Variants in ZNF567 observed in about 807,000 individuals in gnomAD.
ZNF567 encodes the protein zinc finger protein 567.
A neutral mutation model predicts 53.9 loss-of-function variants in ZNF567; 36 were observed. That is an observed-to-expected ratio of 0.67 (90% CI 0.51 to 0.88). ZNF567 has a LOEUF of 0.88. Among genes scored for constraint, ZNF567 ranks in the 40% least tolerant of loss-of-function variants. The probability of loss-of-function intolerance (pLI) is 0.00; values close to 1 mark genes in which losing one functional copy is unlikely to be tolerated. For synonymous variants in ZNF567, 224 were observed against 260.4 expected, an observed-to-expected ratio of 0.86 and a Z score of 1.35; for missense variants, 619 against 764.7, an observed-to-expected ratio of 0.81 and a Z score of 2.25.
At chr19:36,669,263 A>T in the ZNF567 span, 2 of 152,156 alleles carry the variant, frequency 1.3e-5, no homozygotes. Flanking sequence ...GATGAATTGT[A>T]TGACAGTGAA....
chr19:36,683,289 C>T (rs1391362424), upstream of ZNF567, among the ~76,000 whole-genome samples: 2 of 151,938 alleles, frequency 1.3e-5, no homozygotes, highest in Non-Finnish European at 2.9e-5. Flanking sequence ...CCAGGCTGGT[C>T]TCAAACTCCT....
chr19:36,690,852 C>A (rs1446779898), intron 2 of ZNF567, among the ~76,000 whole-genome samples: 2 of 152,160 alleles, frequency 1.3e-5, no homozygotes, highest in East Asian at 3.9e-4. Context: ...GGCTAGGCCA[C>A]CTCTGCAATG....
At chr19:36,675,672 C>CA in the ZNF567 span, among the ~76,000 whole-genome samples, 4 of 151,426 alleles carry the variant, frequency 2.6e-5, no homozygotes, top group Admixed American at 2.0e-4. Flanking sequence ...GACTCCGTCT[C>CA]AAAAAAATAA....
chr19:36,674,481 TG>T, the ZNF567 span, among the ~76,000 whole-genome samples: 1 of 152,176 alleles, frequency 6.6e-6, no homozygotes, highest in Non-Finnish European at 1.5e-5. Flanking sequence ...CTGTTGATGT[TG>T]GGTCTAAAGG....
At chr19:36,693,732 C>T (rs901533052) in intron 2 of ZNF567, among the ~76,000 whole-genome samples, 6 of 151,992 alleles carry the variant, frequency 3.9e-5, no homozygotes, top group Admixed American at 1.3e-4. Context: ...AAATATAAAG[C>T]CCAGCTCTAC....
chr19:36,682,208 A>G, the ZNF567 span, among the ~76,000 whole-genome samples: 2 of 149,104 alleles, frequency 1.3e-5, no homozygotes, highest in East Asian at 4.0e-4. Flanking sequence ...GTTTGAGTCT[A>G]GGAGTTTGAG....
At chr19:36,703,532 G>GCC (rs2039326297) in intron 3 of ZNF567, 1 of 152,252 alleles carries the variant, frequency 6.6e-6, no homozygotes, top group African/African-American at 2.4e-5. Flanking sequence ...TGCCCCCAGA[G>GCC]GTGGAGCCTA....
chr19:36,693,162 C>T (rs1275250384), intron 2 of ZNF567, among the ~76,000 whole-genome samples: 3 of 152,054 alleles, frequency 2.0e-5, no homozygotes, highest in Non-Finnish European at 2.9e-5. Flanking sequence ...ATGGCATGCG[C>T]CTGTAGTCCC....
At chr19:36,667,802 A>AC in the ZNF567 span, among the ~76,000 whole-genome samples, 3 of 151,124 alleles carry the variant, frequency 2.0e-5, no homozygotes, top group South Asian at 6.3e-4. Context: ...GGCGCCCGCC[A>AC]CCTCGCCCGG....
At chr19:36,667,366 A>C in the ZNF567 span, among the ~76,000 whole-genome samples, 10 of 151,464 alleles carry the variant, frequency 6.6e-5, no homozygotes, top group South Asian at 1.5e-3. Flanking sequence ...GCCGGGCGTG[A>C]TGGCGCATGC....
intron 3 of ZNF567, among the ~76,000 whole-genome samples, chr19:36,708,125 A>G (rs1478920259): frequency 2.0e-5 from 3 of 151,822 alleles, no homozygotes; most frequent in Non-Finnish European, 2.9e-5. Context: ...CCTGGGCTCA[A>G]GTGATCTTCC....
At chr19:36,684,836 AAC>A (rs1036550926), upstream of ZNF567, among the ~76,000 whole-genome samples, 6 of 152,216 alleles carry the variant, frequency 3.9e-5, no homozygotes, top group African/African-American at 1.4e-4. Context: ...CTTTAGAAAT[AAC>A]ACAGGAGAGA....
the ZNF567 span, among the ~76,000 whole-genome samples, chr19:36,673,049 A>G: frequency 2.0e-5 from 3 of 151,710 alleles, no homozygotes; most frequent in Non-Finnish European, 4.4e-5. Context: ...CATGTACAGT[A>G]TGATATACTG....
chr19:36,676,890 T>A, the ZNF567 span, among the ~76,000 whole-genome samples: 1 of 152,098 alleles, frequency 6.6e-6, no homozygotes, highest in South Asian at 2.1e-4. Context: ...GCGCGGTGGC[T>A]CATGCCTGTA....
intron 1 of ZNF567, among the ~76,000 whole-genome samples, chr19:36,688,101 C>A (rs1047281703): frequency 6.6e-6 from 1 of 152,014 alleles, no homozygotes; most frequent in Non-Finnish European, 1.5e-5. Context: ...AAATTAGATG[C>A]GAGTCGATTT....
At chr19:36,675,533 C>T in the ZNF567 span, among the ~76,000 whole-genome samples, 8 of 151,912 alleles carry the variant, frequency 5.3e-5, no homozygotes, top group Admixed American at 2.0e-4. Flanking sequence ...ATTAGCTGGG[C>T]GTGGTGGCGT....
chr19:36,670,586 C>T, the ZNF567 span, among the ~76,000 whole-genome samples: 1 of 152,120 alleles, frequency 6.6e-6, no homozygotes, highest in African/African-American at 2.4e-5. Flanking sequence ...GGTTTTGTTG[C>T]TTAAGGATAT....
At chr19:36,692,127 G>A (rs895642242) in intron 2 of ZNF567, among the ~76,000 whole-genome samples, 1 of 152,132 alleles carries the variant, frequency 6.6e-6, no homozygotes. Flanking sequence ...TCACATTCGG[G>A]TCTTTTTGTA....
chr19:36,672,391 A>C, the ZNF567 span, among the ~76,000 whole-genome samples: 8 of 152,222 alleles, frequency 5.3e-5, no homozygotes, highest in African/African-American at 1.9e-4. Context: ...GTGAATACTT[A>C]CCAAAGGGTA....
Sources: allele counts gnomAD v4.1 joint callset (sites outside exome capture counted in the v4.1 genomes callset), GRCh38; gene constraint gnomAD v4.1.1; transcripts MANE v1.5; gene names NCBI Gene and HGNC (gene_info 2026-07-23, HGNC 2026-07-21).